Variants in DLG2 observed in about 807,000 individuals in gnomAD.
DLG2 encodes the protein discs large MAGUK scaffold protein 2.
A neutral mutation model predicts 132.5 loss-of-function variants in DLG2; 45 were observed. The observed-to-expected ratio is 0.34, with a 90% CI of 0.27 to 0.44. DLG2 has a LOEUF of 0.44. Ranked by LOEUF, DLG2 falls within the 20% of genes least tolerant of loss-of-function variation. The pLI, the probability that DLG2 is intolerant of heterozygous loss-of-function variation, is 1.00. For missense variants in DLG2, 1,045 were observed against 1,196.9 expected, an observed-to-expected ratio of 0.87 and a Z score of 1.87; for synonymous variants, 424 against 419.6, an observed-to-expected ratio of 1.01 and a Z score of -0.13.
At chr11:85,406,169 T>C (rs558879571) in intron 3 of DLG2, among the ~76,000 whole-genome samples, 1 of 151,962 alleles carries the variant, frequency 6.6e-6, no homozygotes, top group South Asian at 2.1e-4. Flanking sequence ...AATGAAAAGT[T>C]TATTCAGGAG....
At chr11:83,493,385 TTCCTTCC>T (rs1210870335) in intron 21 of DLG2, among the ~76,000 whole-genome samples, 6 of 146,798 alleles carry the variant, frequency 4.1e-5, no homozygotes, top group Admixed American at 4.1e-4. Flanking sequence ...CCTTCCTTCC[TTCCTTCC>T]TTTCTCTCTC....
intron 7 of DLG2, among the ~76,000 whole-genome samples, chr11:84,342,446 T>G (rs2098519538): frequency 6.6e-6 from 1 of 152,198 alleles, no homozygotes; most frequent in South Asian, 2.1e-4. Context: ...GGGTGTTATA[T>G]TTTTAATAAT....
At chr11:85,430,886 C>G (rs2091134742) in intron 3 of DLG2, among the ~76,000 whole-genome samples, 1 of 148,100 alleles carries the variant, frequency 6.8e-6, no homozygotes, top group East Asian at 2.0e-4. Context: ...GCACAAGAAT[C>G]ACTTGAATCT....
Position 84,827,676 on chromosome 11 carries a change from C to CAA in DLG2, c.357+283983_357+283984dup, listed in dbSNP as rs398016953. Among the ~76,000 whole-genome samples the CAA allele has an allele frequency of 9.4e-3, 328 of 34,932 alleles. 27 individuals carry two copies. Among genetic ancestry groups the CAA allele is most frequent in the South Asian group, 0.013 (7 of 542 alleles). 22.9% of individuals were successfully genotyped at this position (34,932 alleles called of 152,430 possible). On this transcript the variant is annotated intron_variant, in intron 6 of 27. Transcript: ENST00000376104. The stretch of plus-strand genomic sequence containing the variant: ...AAGGCTGGAACTGAGTACATACAGT[C>CAA]AAAAAAAAAAAAAAAAAAAAAAGCC...
chr11:85,602,175 G>T (rs1565745235), intron 2 of DLG2, among the ~76,000 whole-genome samples: 1 of 152,052 alleles, frequency 6.6e-6, no homozygotes, highest in Non-Finnish European at 1.5e-5. Flanking sequence ...CCAAATTCCT[G>T]AAGTCAGCAT....
At chr11:84,397,675 T>C (rs1310895347) in intron 7 of DLG2, among the ~76,000 whole-genome samples, 1 of 152,234 alleles carries the variant, frequency 6.6e-6, no homozygotes, top group African/African-American at 2.4e-5. Context: ...AACATTGACG[T>C]GAGAGCTATA....
chr11:84,584,453 C>A lies in DLG2; in HGVS notation c.358-49722G>T, dbSNP rs186369980. Among the ~76,000 whole-genome samples the A allele has an allele frequency of 1.8e-4, 28 of 151,550 alleles. No individual in the cohort carries two copies. The East Asian group carries it at 4.8e-3, about 26-fold the overall frequency. On this transcript the variant is annotated intron_variant, in intron 6 of 27. Coordinates refer to ENST00000376104, the MANE Select transcript of DLG2 (RefSeq NM_001142699.3). Reference sequence around the variant, plus strand: ...TCTCAGATATCTTGGATCAAGTGATCCTCCAGCCTCAGGCTCCCAAGTAAC... The same window carrying A: ...TCTCAGATATCTTGGATCAAGTGATACTCCAGCCTCAGGCTCCCAAGTAAC...
chr11:83,607,517 C>G (rs1016973922), intron 19 of DLG2, among the ~76,000 whole-genome samples: 31 of 152,308 alleles, frequency 2.0e-4, no homozygotes, highest in Admixed American at 1.8e-3. Context: ...CTTAGCAAGG[C>G]ACATGGACAC....
intron 6 of DLG2, among the ~76,000 whole-genome samples, chr11:84,784,606 A>C (rs950497040): frequency 9.9e-5 from 15 of 152,118 alleles, no homozygotes; most frequent in African/African-American, 3.6e-4. Flanking sequence ...TCATCTGTAA[A>C]TATTTTAAGA....
chr11:85,427,074 AG>A (rs2090809256), intron 3 of DLG2, among the ~76,000 whole-genome samples: 1 of 152,230 alleles, frequency 6.6e-6, no homozygotes, highest in African/African-American at 2.4e-5. Flanking sequence ...GGAAGTTTAG[AG>A]AAAAAAGAAT....
intron 6 of DLG2, among the ~76,000 whole-genome samples, chr11:84,633,501 T>C (rs2154544087): frequency 6.6e-6 from 1 of 152,208 alleles, no homozygotes; most frequent in South Asian, 2.1e-4. Context: ...CCAAGAAACA[T>C]TTCTTGACTG....
intron 7 of DLG2, among the ~76,000 whole-genome samples, chr11:84,296,965 G>A (rs2098097557): frequency 6.6e-6 from 1 of 152,144 alleles, no homozygotes; most frequent in Non-Finnish European, 1.5e-5. Flanking sequence ...TAAAGAGGGG[G>A]GAAAGGGTCA....
At chr11:83,505,407 T>C (rs1055292665) in intron 21 of DLG2, among the ~76,000 whole-genome samples, 16 of 152,156 alleles carry the variant, frequency 1.1e-4, no homozygotes, top group African/African-American at 3.6e-4. Flanking sequence ...CATGGGCCCA[T>C]TGGGCGATGA....
chr11:84,433,047 A>G (rs2098989536), intron 7 of DLG2, among the ~76,000 whole-genome samples: 1 of 152,136 alleles, frequency 6.6e-6, no homozygotes, highest in African/African-American at 2.4e-5. Context: ...AAGTTTTCCA[A>G]GGTGAGTATG....
At chr11:84,650,382 T>G in intron 6 of DLG2, among the ~76,000 whole-genome samples, 1 of 152,192 alleles carries the variant, frequency 6.6e-6, no homozygotes, top group East Asian at 1.9e-4. Context: ...AGTTTTGGCC[T>G]GAGACTAGAC....
At chr11:85,110,341 C>G (rs1253914979) in intron 6 of DLG2, among the ~76,000 whole-genome samples, 1 of 151,916 alleles carries the variant, frequency 6.6e-6, no homozygotes, top group African/African-American at 2.4e-5. Context: ...TCACTTGAAT[C>G]CAGGAGGTGG....
chr11:84,600,584 A>G (rs1310627306), intron 6 of DLG2, among the ~76,000 whole-genome samples: 1 of 152,210 alleles, frequency 6.6e-6, no homozygotes, highest in Non-Finnish European at 1.5e-5. Flanking sequence ...GCCTTCAAAT[A>G]TAATGCTCTT....
intron 3 of DLG2, among the ~76,000 whole-genome samples, chr11:85,325,055 T>A (rs1444136962): frequency 7.2e-6 from 1 of 139,222 alleles, no homozygotes; most frequent in African/African-American, 2.8e-5. Flanking sequence ...AATATTGCGC[T>A]TTTCAGACCG....
At chr11:83,603,647 G>GA (rs2058903533) in intron 19 of DLG2, among the ~76,000 whole-genome samples, 1 of 13,340 alleles carries the variant, frequency 7.5e-5, no homozygotes, top group African/African-American at 1.2e-3. Context: ...TCTAACACTT[G>GA]AATCAACTGG....
Sources: allele counts gnomAD v4.1 joint callset (sites outside exome capture counted in the v4.1 genomes callset), GRCh38; gene constraint gnomAD v4.1.1; transcripts MANE v1.5; gene names NCBI Gene and HGNC (gene_info 2026-07-23, HGNC 2026-07-21).